SYT1: variants seen among roughly 807,000 people sequenced by gnomAD.
SYT1 encodes the protein synaptotagmin 1.
SYT1 carries 8 observed loss-of-function variants against 44.8 expected under a neutral mutation model. The observed-to-expected ratio is 0.18, with a 90% CI of 0.10 to 0.32. The LOEUF (loss-of-function observed/expected upper bound fraction) is 0.32. SYT1 is among the 10% of genes least tolerant of loss of function. SYT1 has a pLI of 1.00. For missense variants in SYT1, 286 were observed against 509.3 expected (o/e 0.56, Z 4.22); for synonymous variants, 154 against 188.8 (o/e 0.82, Z 1.51).
intron 4 of SYT1, among the ~76,000 whole-genome samples, chr12:79,276,284 A>G (rs1440313169): frequency 6.6e-6 from 1 of 152,204 alleles, no homozygotes; most frequent in Non-Finnish European, 1.5e-5. Context: ...GTGCAATCCA[A>G]GAGAAAGTTG....
chr12:79,276,441 G>A (rs1397590044), intron 4 of SYT1, among the ~76,000 whole-genome samples: 1 of 151,944 alleles, frequency 6.6e-6, no homozygotes, highest in African/African-American at 2.4e-5. Context: ...ACTTTGAGAG[G>A]CCAAGGCAGG....
At chr12:79,007,110 C>T (rs1057289251) in intron 2 of SYT1, among the ~76,000 whole-genome samples, 2 of 152,134 alleles carry the variant, frequency 1.3e-5, no homozygotes, top group African/African-American at 4.8e-5. Context: ...ACTCCTGCTG[C>T]TGACAGGCAT....
chr12:79,205,443 T>G (rs535120256), intron 3 of SYT1, among the ~76,000 whole-genome samples: 1 of 152,334 alleles, frequency 6.6e-6, no homozygotes, highest in Non-Finnish European at 1.5e-5. Context: ...ATATGGTTTT[T>G]GAAACTGCAA....
intron 3 of SYT1, among the ~76,000 whole-genome samples, chr12:79,078,933 G>A (rs1233324943): frequency 6.6e-6 from 1 of 152,106 alleles, no homozygotes; most frequent in Non-Finnish European, 1.5e-5. Context: ...GTACTCAATG[G>A]TAAGTGATAA....
chr12:79,449,386 A>G lies in SYT1; in HGVS notation c.*262A>G, dbSNP rs185309383. The stretch of plus-strand genomic sequence containing the variant: ...GAGCATGAATGAAATTATTTATTGT[A>G]TCACACTGTTGTATATACCAGTATG... On this transcript the variant is annotated 3_prime_UTR_variant, in exon 11 of 11. Transcript: ENST00000261205. 4 of 464,208 alleles carry G rather than the reference A, an allele frequency of 8.6e-6. No homozygotes were observed. The highest frequency in any genetic ancestry group is 3.7e-5 in the Admixed American group (1 of 27,362). 28.8% of individuals were successfully genotyped at this position (464,208 alleles called of 1,614,324 possible).
intron 9 of SYT1, among the ~76,000 whole-genome samples, chr12:79,385,316 C>T (rs1007347835): frequency 6.6e-6 from 1 of 152,084 alleles, no homozygotes; most frequent in South Asian, 2.1e-4. Flanking sequence ...ATGGAAAAAA[C>T]TACTATCAAA....
intron 1 of SYT1, among the ~76,000 whole-genome samples, chr12:78,877,221 G>T (rs1348878493): frequency 6.6e-6 from 1 of 151,280 alleles, no homozygotes; most frequent in African/African-American, 2.4e-5. Flanking sequence ...AGAAGATGAA[G>T]GAACAGCAAA....
At chr12:78,933,857 G>A (rs764342551) in intron 1 of SYT1, among the ~76,000 whole-genome samples, 3 of 151,934 alleles carry the variant, frequency 2.0e-5, no homozygotes, top group Non-Finnish European at 4.4e-5. Flanking sequence ...GGTAGAATCC[G>A]ATAACATTAA....
chr12:78,969,140 T>C (rs61928064), intron 1 of SYT1, among the ~76,000 whole-genome samples: 3 of 152,156 alleles, frequency 2.0e-5, no homozygotes, highest in African/African-American at 7.2e-5. Context: ...ACTATTTACA[T>C]GGCATTTACA....
intron 4 of SYT1, among the ~76,000 whole-genome samples, chr12:79,234,623 A>G (rs574600809): frequency 5.4e-4 from 82 of 151,848 alleles, no homozygotes; most frequent in Non-Finnish European, 1.0e-3. Context: ...CATTGAATGG[A>G]TATCCATGAG....
chr12:79,418,737 A>AGTT (rs2136150107), intron 9 of SYT1, among the ~76,000 whole-genome samples: 1 of 152,316 alleles, frequency 6.6e-6, no homozygotes, highest in East Asian at 1.9e-4. Context: ...CATGTCATGA[A>AGTT]CTTGACAAGA....
At chr12:78,874,684 C>T (rs572471159) in intron 1 of SYT1, among the ~76,000 whole-genome samples, 3 of 151,498 alleles carry the variant, frequency 2.0e-5, no homozygotes, top group Non-Finnish European at 4.4e-5. Flanking sequence ...CTCATGTGAC[C>T]ATAAAGTTCA....
At chr12:78,865,577 GA>G (rs1267421087) in intron 1 of SYT1, among the ~76,000 whole-genome samples, 3 of 119,396 alleles carry the variant, frequency 2.5e-5, no homozygotes, top group Admixed American at 8.8e-5. Context: ...GGGGGGGGGG[GA>G]ACGTAAACAA....
intron 1 of SYT1, among the ~76,000 whole-genome samples, chr12:78,895,607 T>A (rs990682449): frequency 2.6e-5 from 4 of 151,820 alleles, no homozygotes; most frequent in African/African-American, 9.7e-5. Flanking sequence ...CTTACCCATA[T>A]GTAAAATATT....
intron 3 of SYT1, among the ~76,000 whole-genome samples, chr12:79,147,851 T>C (rs1410652047): frequency 6.6e-6 from 1 of 152,130 alleles, no homozygotes; most frequent in Non-Finnish European, 1.5e-5. Flanking sequence ...TTTTCAAGGA[T>C]GTATAAGGGA....
chr12:79,218,330 G>C (rs1874940677), intron 4 of SYT1, among the ~76,000 whole-genome samples: 1 of 152,104 alleles, frequency 6.6e-6, no homozygotes, highest in South Asian at 2.1e-4. Context: ...AATGTTGAGA[G>C]TGAATATAAA....
chr12:79,183,267 C>T (rs532988346), intron 3 of SYT1, among the ~76,000 whole-genome samples: 1 of 152,040 alleles, frequency 6.6e-6, no homozygotes, highest in East Asian at 2.0e-4. Flanking sequence ...GTGAGTGGTG[C>T]TGCATAGGAT....
chr12:79,040,195 C>T (rs1487455286), intron 2 of SYT1, among the ~76,000 whole-genome samples: 3 of 151,562 alleles, frequency 2.0e-5, no homozygotes, highest in African/African-American at 7.3e-5. Context: ...GAGGAATCGC[C>T]ACACTGACTT....
At chr12:78,963,905 T>A (rs1879641262) in intron 1 of SYT1, 1 of 152,208 alleles carries the variant, frequency 6.6e-6, no homozygotes, top group Non-Finnish European at 1.5e-5. Flanking sequence ...AATAGCAAGA[T>A]GTGGAAATAA....
Sources: allele counts gnomAD v4.1 joint callset (sites outside exome capture counted in the v4.1 genomes callset), GRCh38; gene constraint gnomAD v4.1.1; transcripts MANE v1.5; gene names NCBI Gene and HGNC (gene_info 2026-07-23, HGNC 2026-07-21).